C5orf22: variants seen among roughly 807,000 people sequenced by gnomAD.
The protein encoded by C5orf22 is chromosome 5 open reading frame 22, also known as UPF0489 protein C5orf22.
A neutral mutation model predicts 48.7 loss-of-function variants in C5orf22; 36 were observed. That is an observed-to-expected ratio of 0.74 (90% CI 0.57 to 0.98). C5orf22 has a LOEUF of 0.98. Among genes scored for constraint, C5orf22 ranks in the 50% least tolerant of loss-of-function variants. C5orf22 has a pLI of 0.00. For missense variants in C5orf22, 486 were observed against 521.9 expected (o/e 0.93, Z 0.67); for synonymous variants, 141 against 180.8 (o/e 0.78, Z 1.76).
chr5:31,544,992 T>A (rs1176689321), intron 6 of C5orf22, among the ~76,000 whole-genome samples: 1 of 133,124 alleles, frequency 7.5e-6, no homozygotes, highest in East Asian at 2.1e-4. Context: ...TTTTTTTTTT[T>A]AGCTTTCAGG....
rs1333135365 is a variant in C5orf22, at chr5:31,545,632, T to G, written c.993-14T>G. On this transcript the variant is annotated splice_polypyrimidine_tract_variant and intron_variant, in intron 6 of 8. Transcript: ENST00000325366. ...GGTTGTGATGTTTAATTGAGTGGGA[T>G]GGCTTTTTTCCAGAATGGAATCACT... 6 of 1,603,276 alleles carry G rather than the reference T, an allele frequency of 3.7e-6. No individual in the cohort carries two copies. The South Asian group carries it at 5.5e-5, about 15-fold the overall frequency.
Position 31,532,361 on chromosome 5 carries a change from C to T in C5orf22, c.-32C>T, listed in dbSNP as rs768434535. ...TTCCCGGGTCTTCTCCAGCTGCCAC[C>T]GCTTTACTGCAAAACTGACGGGCGC... is the stretch of plus-strand genomic sequence containing the variant. On this transcript the variant is annotated 5_prime_UTR_variant, in exon 1 of 9. Transcript: ENST00000325366. 58 of 1,612,132 alleles carry T rather than the reference C, an allele frequency of 3.6e-5. No individual in the cohort carries two copies. Among genetic ancestry groups the T allele is most frequent in the East Asian group, 1.3e-4 (6 of 44,828 alleles).
At chr5:31,534,452 T>A (rs1351609246) in intron 2 of C5orf22, 35 bp downstream of exon 2, 3 of 1,569,772 alleles carry the variant, frequency 1.9e-6, no homozygotes, top group Non-Finnish European at 1.7e-6. Flanking sequence ...CTTTTGTGTT[T>A]GAAGTACAAT....
chr5:31,536,070 T>G (rs930828057), intron 3 of C5orf22, among the ~76,000 whole-genome samples, 177 bp downstream of exon 3: 7 of 152,238 alleles, frequency 4.6e-5, no homozygotes, highest in Admixed American at 3.9e-4. Flanking sequence ...ATTCTTCATG[T>G]ACCATTTATA....
In C5orf22 at chr5:31,534,410, C is replaced by G. The variant is rs1419955438; in HGVS notation, c.220C>G (p.Leu74Val). ...PADTVFDKET[L>V]FGELSIENWI... Reference sequence around the variant, plus strand: ...AGACACCGTGTTTGATAAGGAAACACTCTTTGGGTAATATGTGATTTTATT... The same window carrying G: ...AGACACCGTGTTTGATAAGGAAACAGTCTTTGGGTAATATGTGATTTTATT... The change falls in exon 2 of 9, where the codon CTC becomes GTC. Residue 74 changes from leucine to valine, a missense_variant. By Grantham distance (32) the Leu-to-Val change is conservative. This residue lies in a region of C5orf22 where 408 missense variants were observed against 444.0 expected (regional missense o/e 0.92). Transcript: ENST00000325366. 1.2e-6 allele frequency: 2 copies of G among 1,605,852 alleles called. No individual in the cohort carries two copies. The highest frequency in any genetic ancestry group is 1.1e-5 in the South Asian group (1 of 88,534).
At chr5:31,540,866 G>C in intron 4 of C5orf22, 83 bp from the exon 5 acceptor site, 2 of 953,648 alleles carry the variant, frequency 2.1e-6, no homozygotes, top group Non-Finnish European at 3.4e-6. Context: ...TCACAAGGAA[G>C]GTTGTCTCTT....
At chr5:31,550,193 G>T (rs1406874013) in intron 7 of C5orf22, among the ~76,000 whole-genome samples, 1 of 152,156 alleles carries the variant, frequency 6.6e-6, no homozygotes, top group African/African-American at 2.4e-5. Context: ...TAAAATATTT[G>T]ATTAGTGTGT....
At chr5:31,540,721 T>C in intron 4 of C5orf22, 2 of 442,478 alleles carry the variant, frequency 4.5e-6, no homozygotes, top group South Asian at 5.9e-5. Context: ...AGAGTTGCCT[T>C]GAAGAAGTGA....
In C5orf22 at chr5:31,548,433, G is replaced by A. The variant is rs1353828522; in HGVS notation, c.1059+2721G>A. The A allele has an allele frequency of 4.3e-5, 14 of 326,858 alleles. No individual in the cohort carries two copies. In the Admixed American group the frequency reaches 4.9e-4, roughly 11 times the overall value. 20.2% of individuals were successfully genotyped at this position (326,858 alleles called of 1,614,324 possible). A position where few individuals can be genotyped will look rare whatever the true frequency, so the allele number is the denominator to read the frequency against. ...AAAGTTCCACACATCTCTAGGGCAG[G>A]GGCAAAATGCCACCAGTCTCTTTGC... On this transcript the variant is annotated intron_variant, in intron 7 of 8. Coordinates refer to ENST00000325366, the MANE Select transcript of C5orf22 (RefSeq NM_018356.3).
chr5:31,548,971 G>A (rs1486551914), intron 7 of C5orf22, among the ~76,000 whole-genome samples: 1 of 152,196 alleles, frequency 6.6e-6, no homozygotes. Context: ...TGTAATCCCA[G>A]CATTTTGGGA....
chr5:31,546,460 G>A (rs1742888030), intron 7 of C5orf22, among the ~76,000 whole-genome samples: 1 of 152,158 alleles, frequency 6.6e-6, no homozygotes, highest in African/African-American at 2.4e-5. Context: ...GACTAAAGTT[G>A]AAGTATTGAT....
In C5orf22 at chr5:31,549,769, G is replaced by A. The variant is rs576373699; in HGVS notation, c.1060-1524G>A. Among the ~76,000 whole-genome samples the A allele has an allele frequency of 3.9e-5, 6 of 152,226 alleles. No individual in the cohort carries two copies. The South Asian group carries it at 1.2e-3, about 32-fold the overall frequency. ...TGCACACCTGTAGTCCCAGCTACTT[G>A]AGAGGCTGAGGCAGGAGGATTGCTT... is the stretch of plus-strand genomic sequence containing the variant. On this transcript the variant is annotated intron_variant, in intron 7 of 8. Transcript: ENST00000325366.
Position 31,538,242 on chromosome 5 carries a change from T to C in C5orf22, c.378-18T>C, listed in dbSNP as rs748254831. On this transcript the variant is annotated intron_variant, in intron 3 of 8. Transcript: ENST00000325366. ...ATTTGCCCATTCTTCTTAAAAATCGTTTTTTCCTCTGATTCAGGGTTACAA... is the reference window on the plus strand; with the variant it reads ...ATTTGCCCATTCTTCTTAAAAATCGCTTTTTCCTCTGATTCAGGGTTACAA... 1.3e-6 allele frequency: 2 copies of C among 1,545,278 alleles called. No homozygotes were observed. The highest frequency in any genetic ancestry group is 1.7e-6 in the Non-Finnish European group (2 of 1,145,876).
At chr5:31,550,878 T>C (rs1019872186) in intron 7 of C5orf22, among the ~76,000 whole-genome samples, 1 of 152,138 alleles carries the variant, frequency 6.6e-6, no homozygotes, top group Non-Finnish European at 1.5e-5. Flanking sequence ...TTTTAGAATC[T>C]AGATGAAATG....
At chr5:31,536,970 A>AT (rs1305521711) in intron 3 of C5orf22, among the ~76,000 whole-genome samples, 1 of 152,236 alleles carries the variant, frequency 6.6e-6, no homozygotes, top group Non-Finnish European at 1.5e-5. Context: ...TAATGATACA[A>AT]TTAACTTTTG....
chr5:31,541,839 T>A (rs1402230616), intron 6 of C5orf22, among the ~76,000 whole-genome samples: 1 of 152,152 alleles, frequency 6.6e-6, no homozygotes. Context: ...CATTATTGAG[T>A]GTTTTCTGTG....
At chr5:31,534,900 A>C (rs961472837) in intron 2 of C5orf22, 2 of 403,992 alleles carry the variant, frequency 5.0e-6, no homozygotes, top group African/African-American at 4.2e-5. Context: ...AACCAAAAAA[A>C]CTTTGTTTAC....
intron 7 of C5orf22, chr5:31,548,649 C>G (rs1257703454): frequency 2.5e-6 from 1 of 401,868 alleles, no homozygotes. Flanking sequence ...CAAACTGTTC[C>G]AACCTCTGCC....
intron 7 of C5orf22, among the ~76,000 whole-genome samples, chr5:31,548,300 C>CAA (rs35325690): frequency 7.5e-5 from 10 of 133,490 alleles, no homozygotes; most frequent in Admixed American, 1.5e-4. Flanking sequence ...GACTCCATTT[C>CAA]AAAAAAAAAA....
Sources: gnomAD v4.1 joint callset for allele counts (sites outside exome capture counted in the v4.1 genomes callset) on GRCh38, gnomAD v4.1.1 for gene constraint, gnomAD v4.1.1 regional missense constraint, MANE v1.5 for transcripts, NCBI Gene and HGNC (gene_info 2026-07-23, HGNC 2026-07-21) for gene names.